The following ABTB3 variants were observed in gnomAD, a reference collection of about 807,000 sequenced individuals.
ABTB3 encodes the protein ankyrin repeat and BTB domain containing 3.
At chr12:107,548,811 C>T in the ABTB3 span, among the ~76,000 whole-genome samples, 1 of 152,188 alleles carries the variant, frequency 6.6e-6, no homozygotes, top group African/African-American at 2.4e-5. Flanking sequence ...AGGTTTCTCT[C>T]ACCTGTATCA....
At chr12:107,405,413 G>C in the ABTB3 span, among the ~76,000 whole-genome samples, 1 of 152,178 alleles carries the variant, frequency 6.6e-6, no homozygotes, top group African/African-American at 2.4e-5. Flanking sequence ...TCATTAAATG[G>C]TCAAATGGTC....
At chr12:107,449,885 T>A in the ABTB3 span, among the ~76,000 whole-genome samples, 1 of 152,064 alleles carries the variant, frequency 6.6e-6, no homozygotes, top group African/African-American at 2.4e-5. Flanking sequence ...CAAGCAATCC[T>A]CCTGCCTCTG....
the ABTB3 span, among the ~76,000 whole-genome samples, chr12:107,541,895 T>C: frequency 6.7e-6 from 1 of 150,046 alleles, no homozygotes; most frequent in Non-Finnish European, 1.5e-5. Context: ...CCTGTATGTG[T>C]ACCCCCGAAC....
chr12:107,420,133 G>A, the ABTB3 span, among the ~76,000 whole-genome samples: 8 of 152,204 alleles, frequency 5.3e-5, no homozygotes, highest in South Asian at 1.0e-3. Flanking sequence ...AAGGGTCCTC[G>A]TTACTCCTCT....
the ABTB3 span, chr12:107,581,081 G>A: frequency 4.4e-5 from 68 of 1,544,972 alleles, no homozygotes; most frequent in Non-Finnish European, 5.2e-5. Flanking sequence ...GCAGGGGGTG[G>A]GGCCAAGCCG....
chr12:107,501,627 G>A, the ABTB3 span, among the ~76,000 whole-genome samples: 1 of 152,122 alleles, frequency 6.6e-6, no homozygotes, highest in Non-Finnish European at 1.5e-5. Context: ...TTGAACCCGG[G>A]AGGCAGAGAT....
At chr12:107,391,444 C>T in the ABTB3 span, among the ~76,000 whole-genome samples, 5 of 152,084 alleles carry the variant, frequency 3.3e-5, no homozygotes, top group African/African-American at 1.2e-4. Flanking sequence ...TTGGCCAAAA[C>T]ACAGAGCACT....
At chr12:107,378,190 C>T in the ABTB3 span, among the ~76,000 whole-genome samples, 45 of 152,308 alleles carry the variant, frequency 3.0e-4, no homozygotes, top group Non-Finnish European at 2.9e-5. Context: ...GGGCATGTCC[C>T]TTAACCACTT....
chr12:107,555,923 G>A, the ABTB3 span, among the ~76,000 whole-genome samples: 1 of 152,122 alleles, frequency 6.6e-6, no homozygotes, highest in Non-Finnish European at 1.5e-5. Context: ...CTCACCTACT[G>A]AAACATATGC....
chr12:107,401,443 G>A, the ABTB3 span, among the ~76,000 whole-genome samples: 107 of 152,302 alleles, frequency 7.0e-4, no homozygotes, highest in African/African-American at 2.5e-3. Flanking sequence ...GCATTCCCAA[G>A]TGGCGGGATG....
At chr12:107,574,712 GAAAA>G in the ABTB3 span, among the ~76,000 whole-genome samples, 1 of 152,042 alleles carries the variant, frequency 6.6e-6, no homozygotes, top group African/African-American at 2.4e-5. Flanking sequence ...CTATAAAAAA[GAAAA>G]AGAAAGGAAG....
At chr12:107,426,117 G>T in the ABTB3 span, among the ~76,000 whole-genome samples, 2 of 151,984 alleles carry the variant, frequency 1.3e-5, no homozygotes, top group Admixed American at 1.3e-4. Context: ...CTCCTCTCCT[G>T]GGTGTTTCCT....
the ABTB3 span, among the ~76,000 whole-genome samples, chr12:107,395,542 G>A: frequency 6.6e-6 from 1 of 152,172 alleles, no homozygotes; most frequent in Admixed American, 6.5e-5. Flanking sequence ...TCTATGCAGG[G>A]TTTGAGGTGC....
At chr12:107,563,592 T>C in the ABTB3 span, among the ~76,000 whole-genome samples, 1 of 151,922 alleles carries the variant, frequency 6.6e-6, no homozygotes, top group Non-Finnish European at 1.5e-5. Context: ...AACAAAGGTA[T>C]GATATATGGT....
the ABTB3 span, among the ~76,000 whole-genome samples, chr12:107,562,016 G>A: frequency 1.3e-5 from 2 of 152,152 alleles, no homozygotes; most frequent in Non-Finnish European, 2.9e-5. Flanking sequence ...TCGGAAGGTG[G>A]CATAATAGCT....
chr12:107,563,884 A>G, the ABTB3 span, among the ~76,000 whole-genome samples: 3 of 152,190 alleles, frequency 2.0e-5, no homozygotes, highest in Non-Finnish European at 4.4e-5. Context: ...AGCATGACAG[A>G]TGCGAATGTA....
the ABTB3 span, among the ~76,000 whole-genome samples, chr12:107,558,421 G>A: frequency 2.7e-3 from 409 of 152,284 alleles, 4 homozygotes; most frequent in African/African-American, 8.8e-3. Context: ...GGAGTTGATC[G>A]GTGCCTGAGC....
At chr12:107,528,314 G>A in the ABTB3 span, among the ~76,000 whole-genome samples, 5 of 152,230 alleles carry the variant, frequency 3.3e-5, 1 homozygote, top group Admixed American at 3.3e-4. Context: ...TGAGTACTAG[G>A]ACAATATGAG....
chr12:107,649,264 A>C, the ABTB3 span: 5 of 1,613,040 alleles, frequency 3.1e-6, no homozygotes, highest in Middle Eastern at 6.6e-4. Context: ...AAAAACAATG[A>C]GATCATGGAG....
Sources: gnomAD v4.1 joint callset for allele counts (sites outside exome capture counted in the v4.1 genomes callset) on GRCh38, gnomAD v4.1.1 for gene constraint, MANE v1.5 for transcripts, NCBI Gene and HGNC (gene_info 2026-07-23, HGNC 2026-07-21) for gene names.